The following DHX8 variants were observed in gnomAD, a reference collection of about 807,000 sequenced individuals.
The protein encoded by DHX8 is DEAH-box helicase 8.
A neutral mutation model predicts 140.7 loss-of-function variants in DHX8; 67 were observed. The observed-to-expected ratio is 0.48, with a 90% CI of 0.39 to 0.58. The LOEUF is 0.58. DHX8 is among the 20% of genes least tolerant of loss of function. The probability of loss-of-function intolerance (pLI) is 0.00; values close to 1 mark genes in which losing one functional copy is unlikely to be tolerated. For synonymous variants in DHX8, 533 were observed against 553.2 expected (o/e 0.96, Z 0.51); for missense variants, 887 against 1,550.7 (o/e 0.57, Z 7.19).
In DHX8 at chr17:43,493,750, A is replaced by G. The variant is rs1323725186; in HGVS notation, c.1076A>G (p.Asn359Ser). Residue 359 changes from asparagine (N) to serine (S), a missense_variant, in exon 8 of 23, where the codon AAT becomes AGT. Transcript: ENST00000262415. Reference protein sequence around the residue: ...NRRRNLVGETNEETSMRNPDR... With the variant: ...NRRRNLVGETSEETSMRNPDR... ...CGGCGAAATCTTGTCGGGGAGACCA[A>G]TGAGGAGACCTCAATGCGGAATCCT... 6 of 1,614,130 alleles carry G rather than the reference A, an allele frequency of 3.7e-6. No individual in the cohort carries two copies. The highest frequency in any genetic ancestry group is 3.3e-5 in the South Asian group (3 of 91,090).
chr17:43,512,886 A>G (rs1421493654), intron 16 of DHX8, among the ~76,000 whole-genome samples: 2 of 152,166 alleles, frequency 1.3e-5, no homozygotes, highest in African/African-American at 2.4e-5. Flanking sequence ...AGTAAAAAGA[A>G]GCAATCTCCC....
intron 3 of DHX8, among the ~76,000 whole-genome samples, chr17:43,538,681 T>C (rs958516659): frequency 6.6e-6 from 1 of 152,082 alleles, no homozygotes; most frequent in Non-Finnish European, 1.5e-5. Flanking sequence ...CTTTTGCCCC[T>C]CTCTCAAAAA....
Position 43,493,905 on chromosome 17 carries a change from C to A in DHX8, c.1212+19C>A. 6.2e-7 allele frequency: 1 copy of A among 1,613,500 alleles called. No individual in the cohort carries two copies. The highest frequency in any genetic ancestry group is 8.5e-7 in the Non-Finnish European group (1 of 1,179,494). On this transcript the variant is annotated intron_variant, in intron 8 of 22. Transcript: ENST00000262415. The stretch of plus-strand genomic sequence containing the variant: ...CAAACAGGTTGGGGCCTTTAGTTTT[C>A]ATGACCAGATAGTCATTCAGCATGT...
Position 43,492,094 on chromosome 17 carries a change from A to G in DHX8, c.394-89A>G. The stretch of plus-strand genomic sequence containing the variant: ...TGCCCCTCTTCTATTTCCCTCACAT[A>G]GTGATTAGTGATTTATAGATGTACC... On this transcript the variant is annotated intron_variant, in intron 4 of 22. Coordinates refer to ENST00000262415, the MANE Select transcript of DHX8 (RefSeq NM_004941.3). 4 of 855,346 alleles carry G rather than the reference A, an allele frequency of 4.7e-6. No individual in the cohort carries two copies. The East Asian group carries it at 9.8e-5, about 21-fold the overall frequency. 53.0% of individuals were successfully genotyped at this position (855,346 alleles called of 1,614,324 possible). A position where few individuals can be genotyped will look rare whatever the true frequency, so the allele number is the denominator to read the frequency against.
Position 43,493,501 on chromosome 17 carries a change from C to T in DHX8, c.920C>T (p.Ala307Val). The T allele has an allele frequency of 6.2e-7, 1 of 1,614,070 alleles. No individual in the cohort carries two copies. The highest frequency in any genetic ancestry group is 8.5e-7 in the Non-Finnish European group (1 of 1,180,016). The change falls in exon 7 of 23, where the codon GCC (alanine) becomes GTC (valine). Residue 307 changes from alanine (A) to valine (V), a missense_variant. Ala to Val is a moderately conservative substitution (Grantham distance 64). Transcript: ENST00000262415. ...GAGCTCCGGCGGGAGGGTCGTGTGG[C>T]CAATGTAGCTGATGTCGTGAGCAAA... ...ISELRREGRV[A>V]NVADVVSKGQ...
At chr17:43,522,747 C>CA (rs773301589) in intron 22 of DHX8, among the ~76,000 whole-genome samples, 1,604 of 41,136 alleles carry the variant, frequency 0.039, 93 homozygotes, top group African/African-American at 0.09. Context: ...AACTCCATCT[C>CA]AAAAAAAAAA....
At chr17:43,487,456 G>A (rs1268889449) in intron 1 of DHX8, among the ~76,000 whole-genome samples, 5 of 152,042 alleles carry the variant, frequency 3.3e-5, no homozygotes, top group Non-Finnish European at 5.9e-5. Flanking sequence ...ATAGTATGAG[G>A]CTTATTATCT....
intron 1 of DHX8, among the ~76,000 whole-genome samples, chr17:43,486,180 A>G (rs1250590041): frequency 4.0e-5 from 6 of 151,884 alleles, no homozygotes; most frequent in Non-Finnish European, 8.8e-5. Flanking sequence ...GAAAAGAGCA[A>G]GACTTTATTT....
At chr17:43,510,391 A>G (rs1046289047) in intron 16 of DHX8, among the ~76,000 whole-genome samples, 3 of 152,138 alleles carry the variant, frequency 2.0e-5, no homozygotes, top group Non-Finnish European at 2.9e-5. Flanking sequence ...GCTTTTACCC[A>G]TGGTATGTGG....
At chr17:43,535,743 CAA>C (rs969300214) in intron 2 of DHX8, among the ~76,000 whole-genome samples, 15 of 152,180 alleles carry the variant, frequency 9.9e-5, no homozygotes, top group African/African-American at 3.6e-4. Context: ...CTGTGACAAC[CAA>C]AAATGTCTAC....
intron 8 of DHX8, among the ~76,000 whole-genome samples, 158 bp from the exon 9 acceptor site, chr17:43,496,023 A>T (rs75235925): frequency 6.6e-6 from 1 of 152,112 alleles, no homozygotes; most frequent in Admixed American, 6.6e-5. Flanking sequence ...GGTTGAGCCC[A>T]GGAGTTTGAG....
intron 4 of DHX8, among the ~76,000 whole-genome samples, chr17:43,491,794 T>C (rs913719669): frequency 6.6e-6 from 1 of 152,026 alleles, no homozygotes; most frequent in Non-Finnish European, 1.5e-5. Flanking sequence ...GTATGTAACA[T>C]AGCAGATAGC....
At chr17:43,513,285 C>CT (rs2154586766) in intron 16 of DHX8, 77 bp from the exon 17 acceptor site, 6 of 1,476,902 alleles carry the variant, frequency 4.1e-6, no homozygotes, top group Non-Finnish European at 5.5e-6. Context: ...GGGAAGATAT[C>CT]TGGGTTCAGA....
At position 43,484,697 on chromosome 17, in the gene DHX8, A is replaced by C. The variant is rs150026740; in HGVS notation, c.148+512A>C. On this transcript the variant is annotated intron_variant, in intron 1 of 22. Coordinates refer to ENST00000262415, the MANE Select transcript of DHX8 (RefSeq NM_004941.3). ...CGCTCTGTTTCCCGGGCTGGAGTGC[A>C]GTGGCACGATCTCGGCTCACTGCAG... 3.8e-3 allele frequency among the ~76,000 whole-genome samples: 584 copies of C among 152,228 alleles called. 7 individuals are homozygous for C. Among genetic ancestry groups the C allele is most frequent in the African/African-American group, 0.011 (471 of 41,530 alleles).
At chr17:43,523,421 C>T (rs1567700451) in intron 22 of DHX8, among the ~76,000 whole-genome samples, 1 of 152,238 alleles carries the variant, frequency 6.6e-6, no homozygotes, top group Non-Finnish European at 1.5e-5. Flanking sequence ...AGAATACATT[C>T]TCCTGAGACC....
At chr17:43,505,461 C>T (rs944668083) in intron 12 of DHX8, among the ~76,000 whole-genome samples, 4 of 151,814 alleles carry the variant, frequency 2.6e-5, no homozygotes, top group Admixed American at 6.6e-5. Context: ...CCCAGCTACT[C>T]GGGAGGCTGA....
intron 16 of DHX8, among the ~76,000 whole-genome samples, chr17:43,511,338 A>C (rs1425584878): frequency 6.6e-6 from 1 of 152,162 alleles, no homozygotes; most frequent in Non-Finnish European, 1.5e-5. Context: ...AAAGGAAGAT[A>C]AAGATAGACA....
chr17:43,528,656 G>A, downstream of DHX8: 4 of 1,614,212 alleles, frequency 2.5e-6, no homozygotes, highest in Non-Finnish European at 3.4e-6. Context: ...TCAGCCTTGA[G>A]AGCTGGACGC....
chr17:43,513,707 A>ATTTT (rs1969965283), intron 17 of DHX8, among the ~76,000 whole-genome samples: 3 of 112,202 alleles, frequency 2.7e-5, no homozygotes, highest in Admixed American at 8.6e-5. Context: ...GAAGTTTTTA[A>ATTTT]TCTTTTTTTT....
Sources: allele counts gnomAD v4.1 joint callset (sites outside exome capture counted in the v4.1 genomes callset), GRCh38; gene constraint gnomAD v4.1.1; transcripts MANE v1.5; gene names NCBI Gene and HGNC (gene_info 2026-07-23, HGNC 2026-07-21).